The following PPM1E variants were observed in gnomAD, a reference collection of about 807,000 sequenced individuals.
The protein encoded by PPM1E is protein phosphatase, Mg2+/Mn2+ dependent 1E.
In PPM1E, 20 loss-of-function variants were observed where a neutral mutation model predicts 65.9. The ratio of observed to expected loss-of-function variants is 0.30; its 90% CI spans 0.21 to 0.44. PPM1E has a LOEUF of 0.44. Among genes scored for constraint, PPM1E ranks in the 20% least tolerant of loss-of-function variants. The pLI, the probability that PPM1E is intolerant of heterozygous loss-of-function variation, is 1.00. For missense variants in PPM1E, 713 were observed against 953.1 expected (o/e 0.75, Z 3.32); for synonymous variants, 352 against 374.9 (o/e 0.94, Z 0.70).
intron 1 of PPM1E, among the ~76,000 whole-genome samples, chr17:58,817,953 G>A (rs529252187): frequency 2.0e-5 from 3 of 152,036 alleles, no homozygotes; most frequent in South Asian, 2.1e-4. Context: ...GTGTTTCACC[G>A]TGGTCTTGAT....
At chr17:58,891,976 CAG>C (rs1032853024) in intron 1 of PPM1E, among the ~76,000 whole-genome samples, 1 of 151,728 alleles carries the variant, frequency 6.6e-6, no homozygotes, top group Non-Finnish European at 1.5e-5. Flanking sequence ...GCTGGAATCA[CAG>C]GCATGCGCCA....
chr17:58,861,026 G>C (rs2050933575), intron 1 of PPM1E, among the ~76,000 whole-genome samples: 1 of 152,094 alleles, frequency 6.6e-6, no homozygotes, highest in Non-Finnish European at 1.5e-5. Flanking sequence ...GTTATCAATA[G>C]GCCAGTATTA....
chr17:58,947,795 T>C (rs1290578738), intron 1 of PPM1E, among the ~76,000 whole-genome samples: 2 of 152,256 alleles, frequency 1.3e-5, no homozygotes, highest in East Asian at 3.9e-4. Context: ...AGTCAGAAAT[T>C]AAAACTGGGT....
intron 1 of PPM1E, among the ~76,000 whole-genome samples, chr17:58,930,762 T>C (rs1296190572): frequency 6.6e-6 from 1 of 151,732 alleles, no homozygotes; most frequent in East Asian, 1.9e-4. Flanking sequence ...GAGAAAAAAA[T>C]GAGCAAAATG....
intron 1 of PPM1E, among the ~76,000 whole-genome samples, chr17:58,935,972 T>A (rs1309910829): frequency 6.9e-6 from 1 of 144,410 alleles, no homozygotes; most frequent in Non-Finnish European, 1.5e-5. Flanking sequence ...CTCTCCCCCC[T>A]CCCGCCACCC....
At chr17:58,805,695 T>G (rs1286545751) in intron 1 of PPM1E, among the ~76,000 whole-genome samples, 1 of 151,862 alleles carries the variant, frequency 6.6e-6, no homozygotes, top group Non-Finnish European at 1.5e-5. Flanking sequence ...AAAATACCCC[T>G]GAATGGAAAG....
chr17:58,807,248 T>G (rs1458848105), intron 1 of PPM1E, among the ~76,000 whole-genome samples: 1 of 152,192 alleles, frequency 6.6e-6, no homozygotes, highest in Non-Finnish European at 1.5e-5. Flanking sequence ...AATGTTTTAG[T>G]GAACATACTT....
intron 1 of PPM1E, among the ~76,000 whole-genome samples, chr17:58,902,884 G>T (rs1366917397): frequency 2.6e-5 from 4 of 152,106 alleles, no homozygotes; most frequent in Non-Finnish European, 4.4e-5. Context: ...TCAGAAATTT[G>T]TATGGGCAAG....
intron 1 of PPM1E, among the ~76,000 whole-genome samples, chr17:58,893,328 A>G (rs2051371462): frequency 6.6e-6 from 1 of 152,218 alleles, no homozygotes; most frequent in African/African-American, 2.4e-5. Flanking sequence ...GCTTAAATGC[A>G]TATTACTTAG....
chr17:58,929,669 A>T (rs139286124), intron 1 of PPM1E, among the ~76,000 whole-genome samples: 1 of 152,188 alleles, frequency 6.6e-6, no homozygotes, highest in Admixed American at 6.5e-5. Flanking sequence ...GAACATTTGT[A>T]TAATAGAATA....
chr17:58,974,070 G>C (rs1389289558), intron 6 of PPM1E, among the ~76,000 whole-genome samples: 4 of 151,956 alleles, frequency 2.6e-5, no homozygotes, highest in Non-Finnish European at 5.9e-5. Flanking sequence ...TGAGGCTGCA[G>C]TGAGCCAAGA....
intron 1 of PPM1E, among the ~76,000 whole-genome samples, chr17:58,853,122 A>G (rs914445588): frequency 2.6e-5 from 4 of 152,042 alleles, no homozygotes; most frequent in African/African-American, 9.7e-5. Context: ...CAGTTTGTCT[A>G]TTTTGTTGTT....
chr17:58,983,576 T>C lies in PPM1E; in HGVS notation c.*2545T>C, dbSNP rs973913309. ...GGTATCTACATATTTCTGTAACTTG[T>C]ATTTAATGATGGTGTACCTGGTGAT... On this transcript the variant is annotated 3_prime_UTR_variant, in exon 7 of 7. Coordinates refer to ENST00000308249, the MANE Select transcript of PPM1E (RefSeq NM_014906.5). The C allele has an allele frequency of 4.6e-5, 7 of 152,660 alleles. No homozygotes were observed. The highest frequency in any genetic ancestry group is 1.7e-4 in the African/African-American group (7 of 41,460). The allele number at this position is 152,660 out of a possible 1,614,324, so 9.5% of individuals were successfully genotyped here.
Position 58,889,514 on chromosome 17 carries a change from G to A in PPM1E, c.465-66135G>A, listed in dbSNP as rs767985217. ...CTTGGGAGGGTGAGGCAGGAGAATC[G>A]CTTGAACCCAGGAGGCGGAGGTTGC... is the stretch of plus-strand genomic sequence containing the variant. On this transcript the variant is annotated intron_variant, in intron 1 of 6. Transcript: ENST00000308249. Among the ~76,000 whole-genome samples, 142 of 152,222 alleles carry A rather than the reference G, an allele frequency of 9.3e-4. 1 individual carries two copies. Among genetic ancestry groups the A allele is most frequent in the Middle Eastern group, 3.4e-3 (1 of 294 alleles).
At chr17:58,756,613 A>G (rs2144118882) in intron 1 of PPM1E, 152 bp downstream of exon 1, 1 of 1,010,744 alleles carries the variant, frequency 9.9e-7, no homozygotes, top group Non-Finnish European at 1.3e-6. Context: ...CGCTGCTCGG[A>G]CCCGGGCGGT....
At chr17:58,814,172 A>C (rs961439596) in intron 1 of PPM1E, among the ~76,000 whole-genome samples, 48 of 152,222 alleles carry the variant, frequency 3.2e-4, no homozygotes, top group African/African-American at 1.2e-3. Context: ...TTAAGAATAT[A>C]GCTTCTAAGT....
intron 1 of PPM1E, among the ~76,000 whole-genome samples, chr17:58,942,639 A>G (rs1246670852): frequency 6.6e-6 from 1 of 152,028 alleles, no homozygotes; most frequent in Non-Finnish European, 1.5e-5. Context: ...TTACATTTAG[A>G]CCACACTGAT....
At chr17:58,801,585 G>C (rs544046333) in intron 1 of PPM1E, among the ~76,000 whole-genome samples, 2 of 150,972 alleles carry the variant, frequency 1.3e-5, no homozygotes, top group South Asian at 2.1e-4. Flanking sequence ...GGGACTACAG[G>C]CACGTGCCAC....
In PPM1E at chr17:58,972,332, A is replaced by G. The variant is rs1567895325; in HGVS notation, c.1116+57A>G. 6 of 1,530,602 alleles carry G rather than the reference A, an allele frequency of 3.9e-6. No homozygotes were observed. In the East Asian group the frequency reaches 1.1e-4, roughly 29 times the overall value. 94.8% of individuals were successfully genotyped at this position (1,530,602 alleles called of 1,614,324 possible). ...CTCTAGTTATTAGTTTAGATTTTCTAGTTATTGATTAGGATTCACTTACTT... is the reference window on the plus strand; with the variant it reads ...CTCTAGTTATTAGTTTAGATTTTCTGGTTATTGATTAGGATTCACTTACTT... On this transcript the variant is annotated intron_variant, in intron 5 of 6. Transcript: ENST00000308249.
Sources: gnomAD v4.1 joint callset for allele counts (sites outside exome capture counted in the v4.1 genomes callset) on GRCh38, gnomAD v4.1.1 for gene constraint, MANE v1.5 for transcripts, NCBI Gene and HGNC (gene_info 2026-07-23, HGNC 2026-07-21) for gene names.